The following TMEM135 variants were observed in gnomAD, a reference collection of about 807,000 sequenced individuals.
The protein encoded by TMEM135 is peroxisomal membrane protein 52.
A neutral mutation model predicts 60.3 loss-of-function variants in TMEM135; 30 were observed. The observed-to-expected ratio is 0.50, with a 90% CI of 0.37 to 0.68. The LOEUF (loss-of-function observed/expected upper bound fraction) is 0.68. Ranked by LOEUF, TMEM135 falls within the 30% of genes least tolerant of loss-of-function variation. The pLI is 0.00. For missense variants in TMEM135, 468 were observed against 548.8 expected (o/e 0.85, Z 1.47); for synonymous variants, 190 against 186.7 (o/e 1.02, Z -0.14).
At chr11:87,207,279 A>T (rs537907405) in intron 5 of TMEM135, among the ~76,000 whole-genome samples, 1 of 152,140 alleles carries the variant, frequency 6.6e-6, no homozygotes, top group African/African-American at 2.4e-5. Flanking sequence ...TTTCCTTACA[A>T]AGTTTTCCTA....
At chr11:87,318,477 C>A (rs1471130753) in intron 13 of TMEM135, among the ~76,000 whole-genome samples, 1 of 150,318 alleles carries the variant, frequency 6.7e-6, no homozygotes, top group Admixed American at 6.6e-5. Flanking sequence ...TAATAGAGTA[C>A]AATTTATAAG....
chr11:87,164,525 C>CT (rs1739674108), intron 5 of TMEM135, among the ~76,000 whole-genome samples: 1 of 50,004 alleles, frequency 2.0e-5, no homozygotes, highest in South Asian at 9.8e-4. Flanking sequence ...GATGCGGGCT[C>CT]TTTTTTGGTT....
chr11:87,300,542 A>G (rs935126773), intron 7 of TMEM135, among the ~76,000 whole-genome samples: 1 of 152,224 alleles, frequency 6.6e-6, no homozygotes, highest in African/African-American at 2.4e-5. Flanking sequence ...TGTGACACCT[A>G]TAGTATTGTT....
intron 3 of TMEM135, 70 bp from the exon 4 acceptor site, chr11:87,091,292 T>A: frequency 7.4e-7 from 1 of 1,346,026 alleles, no homozygotes; most frequent in Non-Finnish European, 1.1e-6. Flanking sequence ...TTTATAGACT[T>A]CTAATAAATG....
chr11:87,067,926 C>G, intron 2 of TMEM135, 105 bp downstream of exon 2: 16 of 1,404,134 alleles, frequency 1.1e-5, no homozygotes, highest in East Asian at 2.4e-5. Context: ...CCCCGCCCCC[C>G]CTTTTTTTAA....
chr11:87,096,093 A>G (rs574504306), intron 4 of TMEM135: 2 of 207,516 alleles, frequency 9.6e-6, no homozygotes, highest in South Asian at 6.1e-5. Context: ...AAAGCACCAC[A>G]TGGTGTCTCC....
At chr11:87,316,333 T>C (rs570319668) in intron 12 of TMEM135, among the ~76,000 whole-genome samples, 1 of 151,520 alleles carries the variant, frequency 6.6e-6, no homozygotes, top group Non-Finnish European at 1.5e-5. Context: ...ATTGAGAGAA[T>C]ATATACATCA....
intron 4 of TMEM135, among the ~76,000 whole-genome samples, chr11:87,156,096 T>G (rs1454629127): frequency 6.6e-6 from 1 of 152,200 alleles, no homozygotes; most frequent in Non-Finnish European, 1.5e-5. Flanking sequence ...TTTCCAGTTT[T>G]TTAAAGTACT....
intron 6 of TMEM135, among the ~76,000 whole-genome samples, chr11:87,255,034 T>C (rs72957832): frequency 6.6e-6 from 1 of 152,176 alleles, no homozygotes; most frequent in Non-Finnish European, 1.5e-5. Context: ...AGCCAAAGGA[T>C]TGGGATAATG....
At chr11:87,233,294 A>G (rs1449267750) in intron 5 of TMEM135, among the ~76,000 whole-genome samples, 1 of 152,164 alleles carries the variant, frequency 6.6e-6, no homozygotes, top group African/African-American at 2.4e-5. Context: ...ATTAAATGTA[A>G]ATAGTCTAAA....
At chr11:87,038,930 G>A (rs1031749572) in intron 1 of TMEM135, among the ~76,000 whole-genome samples, 1 of 151,998 alleles carries the variant, frequency 6.6e-6, no homozygotes, top group African/African-American at 2.4e-5. Context: ...TATTAAAGAT[G>A]CTCTTAAATG....
chr11:87,318,731 G>A (rs1942772899), intron 13 of TMEM135, among the ~76,000 whole-genome samples: 1 of 151,756 alleles, frequency 6.6e-6, no homozygotes, highest in African/African-American at 2.4e-5. Flanking sequence ...AAAATTTTTG[G>A]GAAAACTTTT....
chr11:87,123,415 G>A (rs527282833), intron 4 of TMEM135, among the ~76,000 whole-genome samples: 1 of 152,258 alleles, frequency 6.6e-6, no homozygotes, highest in Non-Finnish European at 1.5e-5. Context: ...CTCTGTCTGT[G>A]TGATTTTGTA....
rs572924129 is a variant in TMEM135, at chr11:87,254,822, G to T, written c.509+18138G>T. Among the ~76,000 whole-genome samples the T allele has an allele frequency of 3.3e-5, 5 of 152,202 alleles. No individual in the cohort carries two copies. In the South Asian group the frequency reaches 1.0e-3, roughly 32 times the overall value. ...GTGATGGGACAGAAGGACAGAACTG[G>T]AGATCTTAGGGAGAGAATGGTTAAA... On this transcript the variant is annotated intron_variant, in intron 6 of 14. Transcript: ENST00000305494.
intron 6 of TMEM135, among the ~76,000 whole-genome samples, chr11:87,250,071 A>G (rs1941379836): frequency 6.6e-6 from 1 of 152,084 alleles, no homozygotes; most frequent in African/African-American, 2.4e-5. Context: ...TCTTGAAGGT[A>G]TTCCAATTTA....
At chr11:87,212,770 C>G (rs902038745) in intron 5 of TMEM135, among the ~76,000 whole-genome samples, 2 of 147,428 alleles carry the variant, frequency 1.4e-5, no homozygotes, top group Non-Finnish European at 3.0e-5. Flanking sequence ...TTGTAGTGAG[C>G]TGGGATCATA....
chr11:87,071,600 T>G lies in TMEM135; in HGVS notation c.347T>G (p.Ile116Ser). 5 of 1,613,536 alleles carry G rather than the reference T, an allele frequency of 3.1e-6. No homozygotes were observed. Among genetic ancestry groups the G allele is most frequent in the Non-Finnish European group, 4.2e-6 (5 of 1,179,802 alleles). The change falls in exon 3 of 15, where the codon ATT becomes AGT. Residue 116 changes from isoleucine to serine, a missense_variant. Ile to Ser is a moderately radical substitution (Grantham distance 142). Transcript: ENST00000305494. ...ALPASYVAILIERKSRRGLLT... is the reference protein window; with the variant it reads ...ALPASYVAILSERKSRRGLLT... ...CCAGCATCTTATGTGGCCATTCTCA[T>G]TGAAAGAAAAAGCAGGTAAAATTTC...
intron 4 of TMEM135, among the ~76,000 whole-genome samples, chr11:87,131,111 G>A (rs1326291895): frequency 6.6e-6 from 1 of 152,024 alleles, no homozygotes; most frequent in African/African-American, 2.4e-5. Context: ...TGAGTGGAAA[G>A]TACAGAGAGT....
intron 4 of TMEM135, among the ~76,000 whole-genome samples, chr11:87,143,643 G>A (rs1319488885): frequency 6.6e-6 from 1 of 152,058 alleles, no homozygotes; most frequent in Non-Finnish European, 1.5e-5. Flanking sequence ...GTTTTTGCCT[G>A]ACTTTTTGTC....
Sources: allele counts gnomAD v4.1 joint callset (sites outside exome capture counted in the v4.1 genomes callset), GRCh38; gene constraint gnomAD v4.1.1; transcripts MANE v1.5; gene names NCBI Gene and HGNC (gene_info 2026-07-23, HGNC 2026-07-21).